EYS: variants seen among roughly 807,000 people sequenced by gnomAD.
EYS encodes the protein EGF-like photoreceptor maintenance factor.
In EYS, 250 loss-of-function variants were observed where a neutral mutation model predicts 282.1. That is an observed-to-expected ratio of 0.89 (90% confidence interval 0.80 to 0.98). The LOEUF is 0.98. EYS is among the 50% of genes least tolerant of loss of function. EYS has a pLI of 0.00. For synonymous variants in EYS, 1,355 were observed against 1,282.9 expected, an observed-to-expected ratio of 1.06 and a Z score of -1.20; for missense variants, 4,016 against 3,709.0, an observed-to-expected ratio of 1.08 and a Z score of -2.15.
At chr6:64,179,442 G>T (rs1037820327) in intron 31 of EYS, among the ~76,000 whole-genome samples, 1 of 152,146 alleles carries the variant, frequency 6.6e-6, no homozygotes, top group African/African-American at 2.4e-5. Flanking sequence ...AATATCAACT[G>T]TGTGATGAAA....
intron 22 of EYS, among the ~76,000 whole-genome samples, chr6:64,808,237 G>A (rs1276047503): frequency 1.3e-5 from 2 of 152,046 alleles, no homozygotes; most frequent in Admixed American, 6.6e-5. Flanking sequence ...GCACACTGGA[G>A]CAAGGGGACA....
intron 31 of EYS, among the ~76,000 whole-genome samples, chr6:64,102,466 C>T (rs1436120934): frequency 6.6e-6 from 1 of 151,986 alleles, no homozygotes; most frequent in African/African-American, 2.4e-5. Flanking sequence ...AAACCCTTCC[C>T]ATAAGGCAAA....
chr6:64,809,162 T>C (rs1034151494), intron 22 of EYS, among the ~76,000 whole-genome samples: 1 of 152,104 alleles, frequency 6.6e-6, no homozygotes, highest in Non-Finnish European at 1.5e-5. Flanking sequence ...TTCGGCTATA[T>C]CTGGGTAACA....
At position 64,452,639 on chromosome 6, in the gene EYS, T is replaced by C. The variant is rs941223103; in HGVS notation, c.5645-13287A>G. Among the ~76,000 whole-genome samples the C allele has an allele frequency of 5.3e-5, 8 of 152,080 alleles. No homozygotes were observed. The East Asian group carries it at 5.8e-4, about 11-fold the overall frequency. ...CAAGGCTACAGTAACCAAAACAGCATGGTACTGGTACCAAAACAGAGATAC... is the reference window on the plus strand; with the variant it reads ...CAAGGCTACAGTAACCAAAACAGCACGGTACTGGTACCAAAACAGAGATAC... On this transcript the variant is annotated intron_variant, in intron 26 of 42. Coordinates refer to ENST00000503581, the MANE Select transcript of EYS (RefSeq NM_001142800.2).
At chr6:63,851,933 A>G (rs112749617) in intron 36 of EYS, among the ~76,000 whole-genome samples, 293 of 152,178 alleles carry the variant, frequency 1.9e-3, no homozygotes, top group Middle Eastern at 6.8e-3. Context: ...CGAGGCGGGC[A>G]GATCACGAGG....
At chr6:65,598,884 G>A (rs1765510807) in intron 2 of EYS, among the ~76,000 whole-genome samples, 1 of 152,118 alleles carries the variant, frequency 6.6e-6, no homozygotes, top group Non-Finnish European at 1.5e-5. Flanking sequence ...ATCAAAGGGA[G>A]TAGTAATAGT....
chr6:64,253,981 A>G (rs1767309461), intron 30 of EYS, among the ~76,000 whole-genome samples: 1 of 152,004 alleles, frequency 6.6e-6, no homozygotes, highest in East Asian at 1.9e-4. Context: ...TTAACCCCCA[A>G]CTTCCCCTCA....
chr6:64,026,899 G>T (rs1404467851), intron 33 of EYS, among the ~76,000 whole-genome samples: 1 of 152,190 alleles, frequency 6.6e-6, no homozygotes, highest in African/African-American at 2.4e-5. Context: ...GATCAAGGCA[G>T]ACCTGGGGAA....
intron 31 of EYS, among the ~76,000 whole-genome samples, chr6:64,174,986 C>A (rs777596623): frequency 3.7e-4 from 56 of 152,148 alleles, no homozygotes; most frequent in Admixed American, 6.5e-4. Flanking sequence ...AAATACCCAT[C>A]ACAAAAATAC....
intron 31 of EYS, among the ~76,000 whole-genome samples, chr6:64,188,568 A>G (rs1042752999): frequency 6.6e-6 from 1 of 152,002 alleles, no homozygotes; most frequent in Admixed American, 6.6e-5. Context: ...TTATCTGGCA[A>G]CTCCACCTTG....
intron 12 of EYS, among the ~76,000 whole-genome samples, chr6:65,076,641 T>C (rs1166441749): frequency 6.6e-6 from 1 of 151,582 alleles, no homozygotes; most frequent in African/African-American, 2.4e-5. Flanking sequence ...CAGAGTGCAT[T>C]GATAAGCAAT....
At chr6:64,367,563 A>T (rs1772220414) in intron 29 of EYS, among the ~76,000 whole-genome samples, 1 of 151,970 alleles carries the variant, frequency 6.6e-6, no homozygotes, top group Non-Finnish European at 1.5e-5. Context: ...GGCATATAGC[A>T]AAGTTTCTAA....
chr6:64,706,012 A>T lies in EYS; in HGVS notation c.3444-79767T>A, dbSNP rs1032023237. On this transcript the variant is annotated intron_variant, in intron 22 of 42. Transcript: ENST00000503581. ...ATTAAAAATAACTAACTAAATAAAA[A>T]TTATTCAAAAAAAAAAAAGCACAAA... 6.9e-5 allele frequency among the ~76,000 whole-genome samples: 6 copies of T among 87,168 alleles called. No homozygotes were observed. In the East Asian group the frequency reaches 1.4e-3, roughly 20 times the overall value. 57.2% of individuals were successfully genotyped at this position (87,168 alleles called of 152,430 possible). A position where few individuals can be genotyped will look rare whatever the true frequency, so the allele number is the denominator to read the frequency against.
At chr6:65,398,443 C>T (rs1766371962) in intron 7 of EYS, among the ~76,000 whole-genome samples, 4 of 151,318 alleles carry the variant, frequency 2.6e-5, no homozygotes, top group African/African-American at 7.3e-5. Flanking sequence ...AAAACTAGAC[C>T]CCTATCTTTT....
At chr6:65,213,031 A>AT (rs1420205130) in intron 12 of EYS, among the ~76,000 whole-genome samples, 12 of 150,912 alleles carry the variant, frequency 8.0e-5, no homozygotes, top group East Asian at 7.8e-4. Context: ...GTTTTTCTTT[A>AT]TTTTTTTTTC....
chr6:64,310,075 A>AC (rs1166198040), intron 29 of EYS, among the ~76,000 whole-genome samples: 8 of 130,862 alleles, frequency 6.1e-5, no homozygotes, highest in Admixed American at 5.8e-4. Context: ...AAAATAAAAA[A>AC]AAAAATAACA....
chr6:65,563,293 T>A (rs980432047), intron 2 of EYS, among the ~76,000 whole-genome samples: 5 of 152,080 alleles, frequency 3.3e-5, no homozygotes, highest in Admixed American at 3.3e-4. Context: ...CAAAATTAAA[T>A]CAAAATATCT....
At chr6:65,253,356 G>A (rs1767375841) in intron 12 of EYS, among the ~76,000 whole-genome samples, 1 of 151,800 alleles carries the variant, frequency 6.6e-6, no homozygotes, top group Admixed American at 6.6e-5. Context: ...TTAAAAGAAT[G>A]TTGTGTTGTA....
At chr6:63,872,133 A>G (rs796385300) in intron 35 of EYS, among the ~76,000 whole-genome samples, 12 of 152,314 alleles carry the variant, frequency 7.9e-5, no homozygotes, top group African/African-American at 2.9e-4. Flanking sequence ...CAAGTTCAGC[A>G]GCATCTTTGT....
Sources: allele counts gnomAD v4.1 joint callset (sites outside exome capture counted in the v4.1 genomes callset), GRCh38; gene constraint gnomAD v4.1.1; transcripts MANE v1.5; gene names NCBI Gene and HGNC (gene_info 2026-07-23, HGNC 2026-07-21).